The following SASH1 variants were observed in gnomAD, a reference collection of about 807,000 sequenced individuals.
The protein encoded by SASH1 is SAM and SH3 domain containing 1.
In SASH1, 44 loss-of-function variants were observed where a neutral mutation model predicts 125.2. The ratio of observed to expected loss-of-function variants is 0.35; its 90% CI spans 0.28 to 0.45. SASH1 has a LOEUF of 0.45. Among genes scored for constraint, SASH1 ranks in the 20% least tolerant of loss-of-function variants. SASH1 has a pLI of 1.00. For synonymous variants in SASH1, 639 were observed against 649.1 expected (o/e 0.98, Z 0.24); for missense variants, 1,426 against 1,614.5 (o/e 0.88, Z 2.00).
intron 2 of SASH1, among the ~76,000 whole-genome samples, chr6:148,394,602 A>G (rs1366494770): frequency 6.6e-6 from 1 of 152,104 alleles, no homozygotes; most frequent in African/African-American, 2.4e-5. Flanking sequence ...CTGCAGCTTA[A>G]TAATTTTTTT....
At chr6:148,470,980 G>C (rs1179676882) in intron 5 of SASH1, among the ~76,000 whole-genome samples, 1 of 151,914 alleles carries the variant, frequency 6.6e-6, no homozygotes, top group Non-Finnish European at 1.5e-5. Context: ...ATAAACCAAG[G>C]GTAGATCAAC....
At chr6:148,518,152 C>T (rs956012435) in intron 9 of SASH1, among the ~76,000 whole-genome samples, 1 of 152,114 alleles carries the variant, frequency 6.6e-6, no homozygotes, top group African/African-American at 2.4e-5. Flanking sequence ...GAGGAAGGAG[C>T]GGGAAACTTC....
chr6:148,484,162 G>C (rs1049317335), intron 7 of SASH1, among the ~76,000 whole-genome samples: 1 of 152,174 alleles, frequency 6.6e-6, no homozygotes, highest in Non-Finnish European at 1.5e-5. Flanking sequence ...TTTATAGTAA[G>C]TACTAGTAGA....
chr6:148,507,618 G>GC (rs1281036785), intron 8 of SASH1, among the ~76,000 whole-genome samples: 2 of 152,056 alleles, frequency 1.3e-5, no homozygotes, highest in Non-Finnish European at 2.9e-5. Context: ...TGATCTGCCC[G>GC]CCTCCGTTGG....
the SASH1 span, among the ~76,000 whole-genome samples, chr6:148,266,239 G>A: frequency 2.0e-5 from 3 of 152,188 alleles, no homozygotes; most frequent in Non-Finnish European, 2.9e-5. Flanking sequence ...AAAGTGCTGG[G>A]ATTACAGGCG....
chr6:148,213,605 T>C, the SASH1 span, among the ~76,000 whole-genome samples: 60 of 143,734 alleles, frequency 4.2e-4, no homozygotes, highest in African/African-American at 1.4e-3. Context: ...AAATTACCCA[T>C]ACAGGTATTA....
chr6:148,238,391 T>C, the SASH1 span, among the ~76,000 whole-genome samples: 1 of 151,976 alleles, frequency 6.6e-6, no homozygotes, highest in Non-Finnish European at 1.5e-5. Context: ...CCCTGGCTAA[T>C]TTTTGTATTT....
intron 1 of SASH1, among the ~76,000 whole-genome samples, chr6:148,322,912 T>TTC (rs1433006653): frequency 8.4e-6 from 1 of 118,438 alleles, no homozygotes; most frequent in Admixed American, 8.7e-5. Context: ...CTCTCTTTCT[T>TTC]TCTTTTTTCT....
At chr6:148,467,102 T>TG (rs1777875963) in intron 4 of SASH1, among the ~76,000 whole-genome samples, 1 of 119,268 alleles carries the variant, frequency 8.4e-6, no homozygotes, top group South Asian at 2.5e-4. Flanking sequence ...TTTTTTTTTT[T>TG]TTTTTTTTTT....
intron 2 of SASH1, among the ~76,000 whole-genome samples, chr6:148,431,485 A>C (rs1221166899): frequency 6.6e-6 from 1 of 152,188 alleles, no homozygotes; most frequent in African/African-American, 2.4e-5. Flanking sequence ...GGTATAAGCC[A>C]TCACGCCTGG....
At chr6:148,365,201 C>T (rs1261827316) in intron 1 of SASH1, among the ~76,000 whole-genome samples, 7 of 151,938 alleles carry the variant, frequency 4.6e-5, no homozygotes, top group African/African-American at 1.7e-4. Context: ...TGTGATCAAG[C>T]TAGCTCCCAG....
At chr6:148,392,013 G>T (rs9498035) in intron 2 of SASH1, among the ~76,000 whole-genome samples, 1 of 152,134 alleles carries the variant, frequency 6.6e-6, no homozygotes, top group Non-Finnish European at 1.5e-5. Flanking sequence ...AGCCGGGAGC[G>T]GTGGCTCATG....
At chr6:148,541,843 T>C (rs916789468) in intron 17 of SASH1, among the ~76,000 whole-genome samples, 3 of 152,176 alleles carry the variant, frequency 2.0e-5, no homozygotes, top group African/African-American at 7.2e-5. Flanking sequence ...TATTCAAGGT[T>C]TTCTATCAAC....
chr6:148,488,569 C>T (rs112456003), intron 8 of SASH1, among the ~76,000 whole-genome samples: 5,983 of 152,274 alleles, frequency 0.039, 177 homozygotes, highest in Middle Eastern at 0.099. Flanking sequence ...TTTGAGGAAC[C>T]GCCATATGTT....
rs558395894 is a variant in SASH1, at chr6:148,367,865, C to T, written c.157-22269C>T. On this transcript the variant is annotated intron_variant, in intron 1 of 19. Coordinates refer to ENST00000367467, the MANE Select transcript of SASH1 (RefSeq NM_015278.5). Reference sequence around the variant, plus strand: ...GCCTGGGTGGCAGCGGCTGTGCCAGCATTTCAGTCACAGCTTTTCCCATGG... The same window carrying T: ...GCCTGGGTGGCAGCGGCTGTGCCAGTATTTCAGTCACAGCTTTTCCCATGG... Among the ~76,000 whole-genome samples the T allele has an allele frequency of 5.9e-5, 9 of 152,356 alleles. No individual in the cohort carries two copies. In the East Asian group the frequency reaches 1.5e-3, roughly 26 times the overall value.
intron 1 of SASH1, among the ~76,000 whole-genome samples, chr6:148,275,655 C>CTCA (rs1285872745): frequency 6.6e-6 from 1 of 152,174 alleles, no homozygotes; most frequent in Non-Finnish European, 1.5e-5. Context: ...AGAAATTCCC[C>CTCA]TCCCTAGCTC....
intron 1 of SASH1, among the ~76,000 whole-genome samples, chr6:148,363,614 C>T (rs1782337251): frequency 6.6e-6 from 1 of 151,996 alleles, no homozygotes; most frequent in Non-Finnish European, 1.5e-5. Flanking sequence ...CTTGGCCATG[C>T]TGGTCTTGAA....
intron 1 of SASH1, among the ~76,000 whole-genome samples, chr6:148,322,352 AAATAAAATAAAAT>A (rs904387122): frequency 3.9e-5 from 6 of 152,278 alleles, no homozygotes; most frequent in African/African-American, 1.4e-4. Context: ...ACTCAGTCTC[AAATAAAATAAAAT>A]AATAAAATAA....
chr6:148,494,235 AATAT>A (rs886695860), intron 8 of SASH1, among the ~76,000 whole-genome samples: 10 of 152,176 alleles, frequency 6.6e-5, no homozygotes, highest in African/African-American at 2.4e-4. Flanking sequence ...ATTTTTTAAG[AATAT>A]ATATAATGTA....
Sources: gnomAD v4.1 joint callset for allele counts (sites outside exome capture counted in the v4.1 genomes callset) on GRCh38, gnomAD v4.1.1 for gene constraint, MANE v1.5 for transcripts, NCBI Gene and HGNC (gene_info 2026-07-23, HGNC 2026-07-21) for gene names.